The following CLEC16A variants were observed in gnomAD, a reference collection of about 807,000 sequenced individuals.
CLEC16A encodes the protein protein CLEC16A.
Under a neutral mutation model 109.5 loss-of-function variants are expected in CLEC16A, and 51 were observed. The ratio of observed to expected loss-of-function variants is 0.47; its 90% CI spans 0.37 to 0.59. The LOEUF is 0.59. Ranked by LOEUF, CLEC16A falls within the 20% of genes least tolerant of loss-of-function variation. The pLI is 0.00. For missense variants in CLEC16A, 1,339 were observed against 1,394.0 expected, an observed-to-expected ratio of 0.96 and a Z score of 0.63; for synonymous variants, 673 against 564.2, an observed-to-expected ratio of 1.19 and a Z score of -2.73.
At chr16:11,146,085 G>T (rs2153072707) in intron 22 of CLEC16A, among the ~76,000 whole-genome samples, 1 of 152,260 alleles carries the variant, frequency 6.6e-6, no homozygotes, top group East Asian at 1.9e-4. Flanking sequence ...GTCGCCCTGG[G>T]TACCTATGTG....
At chr16:11,074,558 A>AT (rs887842947) in intron 19 of CLEC16A, among the ~76,000 whole-genome samples, 15 of 150,948 alleles carry the variant, frequency 9.9e-5, no homozygotes, top group East Asian at 1.9e-4. Context: ...TGCTGGACCT[A>AT]TTTTTTTTTC....
chr16:11,108,850 C>T (rs535624996), intron 19 of CLEC16A, among the ~76,000 whole-genome samples: 12 of 152,204 alleles, frequency 7.9e-5, no homozygotes, highest in African/African-American at 2.9e-4. Flanking sequence ...GTGGCTCATG[C>T]CTGTAATCCC....
intron 19 of CLEC16A, among the ~76,000 whole-genome samples, chr16:11,072,806 CTGT>C (rs1485803568): frequency 1.3e-5 from 2 of 152,204 alleles, no homozygotes; most frequent in Admixed American, 6.5e-5. Context: ...TGAAATATGT[CTGT>C]TCTCTTTGGA....
intron 5 of CLEC16A, chr16:10,971,533 C>A (rs1262107343): frequency 1.3e-5 from 13 of 983,440 alleles, no homozygotes; most frequent in Non-Finnish European, 1.4e-5. Context: ...GCAAAGTTGT[C>A]TTTTTAATGT....
chr16:11,057,360 C>T (rs1003218347), intron 18 of CLEC16A, among the ~76,000 whole-genome samples: 6 of 152,384 alleles, frequency 3.9e-5, no homozygotes, highest in East Asian at 3.9e-4. Flanking sequence ...AGCACATCAC[C>T]GGTGCCATCC....
At chr16:10,969,332 CGTGTGGGTGTAAAG>C in intron 4 of CLEC16A, 23 bp downstream of exon 4, 1 of 1,544,842 alleles carries the variant, frequency 6.5e-7, no homozygotes, top group Non-Finnish European at 8.7e-7. Context: ...CAGAGGGGCA[CGTGTGGGTGTAAAG>C]CCACACGTGG....
intron 13 of CLEC16A, among the ~76,000 whole-genome samples, chr16:11,026,708 T>C (rs754531520): frequency 6.6e-6 from 1 of 151,626 alleles, no homozygotes; most frequent in Admixed American, 6.6e-5. Flanking sequence ...TTTTATAACT[T>C]CTTATAAAGA....
At chr16:11,007,304 C>T (rs1048980331) in intron 11 of CLEC16A, among the ~76,000 whole-genome samples, 59 of 139,126 alleles carry the variant, frequency 4.2e-4, no homozygotes, top group East Asian at 4.0e-4. Context: ...TTTAGAGACC[C>T]ATCTTGCCTT....
intron 19 of CLEC16A, among the ~76,000 whole-genome samples, chr16:11,105,147 A>G (rs1036043892): frequency 2.6e-5 from 4 of 152,234 alleles, no homozygotes; most frequent in Admixed American, 1.3e-4. Flanking sequence ...GCAATGTACT[A>G]TGCAAATGTG....
At chr16:11,098,661 G>A (rs1012369015) in intron 19 of CLEC16A, among the ~76,000 whole-genome samples, 6 of 152,226 alleles carry the variant, frequency 3.9e-5, no homozygotes, top group African/African-American at 9.7e-5. Flanking sequence ...TCCCAGTACC[G>A]GGTGCCCCAG....
chr16:10,980,515 C>G (rs1313753056), intron 9 of CLEC16A, among the ~76,000 whole-genome samples: 1 of 152,082 alleles, frequency 6.6e-6, no homozygotes, highest in Non-Finnish European at 1.5e-5. Context: ...GACCCTTCAG[C>G]TGTTGGAGCA....
Position 11,020,063 on chromosome 16 carries a change from G to A in CLEC16A, c.1304-130G>A, listed in dbSNP as rs960764431. ...CCAGTGTGTCTCTGGTGTTCAGGTC[G>A]CTGCTGTCGGACATGTGCTTGATGT... is the stretch of plus-strand genomic sequence containing the variant. On this transcript the variant is annotated intron_variant, in intron 11 of 23. Coordinates refer to ENST00000409790, the MANE Select transcript of CLEC16A (RefSeq NM_015226.3). 4.8e-6 allele frequency: 5 copies of A among 1,039,622 alleles called. No individual in the cohort carries two copies. In the African/African-American group the frequency reaches 4.8e-5, roughly 10 times the overall value. 64.4% of individuals were successfully genotyped at this position (1,039,622 alleles called of 1,614,324 possible).
At position 11,115,468 on chromosome 16, in the gene CLEC16A, G is replaced by A. The variant is rs1236532453; in HGVS notation, c.2117-5147G>A. On this transcript the variant is annotated intron_variant, in intron 19 of 23. Transcript: ENST00000409790. ...CTCTCTATAGCCTCAACCTCCCTGG[G>A]CTCAAGTGATCCTCCTGCCTCAGCC... Among the ~76,000 whole-genome samples the A allele has an allele frequency of 3.3e-5, 5 of 152,240 alleles. No homozygotes were observed. In the East Asian group the frequency reaches 9.6e-4, roughly 29 times the overall value.
intron 1 of CLEC16A, among the ~76,000 whole-genome samples, chr16:10,955,171 C>T (rs1381350816): frequency 1.3e-5 from 2 of 152,240 alleles, no homozygotes; most frequent in African/African-American, 4.8e-5. Flanking sequence ...GAAGCCTGAC[C>T]TCTTCACCAG....
intron 19 of CLEC16A, among the ~76,000 whole-genome samples, chr16:11,115,637 T>C (rs1180727430): frequency 2.6e-5 from 4 of 152,172 alleles, no homozygotes. Context: ...TCTTCAAAAG[T>C]GTTGGGATTA....
intron 19 of CLEC16A, among the ~76,000 whole-genome samples, chr16:11,064,370 C>T (rs548018244): frequency 2.8e-4 from 42 of 152,358 alleles, no homozygotes; most frequent in African/African-American, 9.9e-4. Context: ...CATGTGCTGC[C>T]GCCCGGGTCT....
chr16:10,952,463 CAGCCTGATGACAG>C (rs2041784932), intron 1 of CLEC16A, among the ~76,000 whole-genome samples: 1 of 152,356 alleles, frequency 6.6e-6, no homozygotes, highest in Non-Finnish European at 1.5e-5. Flanking sequence ...CACTGCACTC[CAGCCTGATGACAG>C]AGCAAGACTC....
intron 10 of CLEC16A, among the ~76,000 whole-genome samples, chr16:10,983,226 A>G (rs2043427961): frequency 6.6e-6 from 1 of 152,092 alleles, no homozygotes; most frequent in African/African-American, 2.4e-5. Context: ...GAATTGTACC[A>G]CTCCGGGCCT....
intron 19 of CLEC16A, among the ~76,000 whole-genome samples, chr16:11,096,654 A>ATAACCT (rs528701795): frequency 1.3e-4 from 20 of 152,210 alleles, no homozygotes; most frequent in Non-Finnish European, 2.2e-4. Flanking sequence ...ACGCTGTTCG[A>ATAACCT]TAACCTTAAT....
Sources: gnomAD v4.1 joint callset for allele counts (sites outside exome capture counted in the v4.1 genomes callset) on GRCh38, gnomAD v4.1.1 for gene constraint, MANE v1.5 for transcripts, NCBI Gene and HGNC (gene_info 2026-07-23, HGNC 2026-07-21) for gene names.